OPHN1: variants seen among roughly 807,000 people sequenced by gnomAD.
The protein encoded by OPHN1 is oligophrenin-1.
Under a neutral mutation model 60.7 loss-of-function variants are expected in OPHN1, and 11 were observed. The observed-to-expected ratio is 0.18, with a 90% CI of 0.11 to 0.30. The LOEUF is 0.30. OPHN1 is among the 10% of genes least tolerant of loss of function. OPHN1 has a pLI of 1.00. For synonymous variants in OPHN1, 226 were observed against 222.6 expected, an observed-to-expected ratio of 1.02 and a Z score of -0.14; for missense variants, 449 against 611.0, an observed-to-expected ratio of 0.73 and a Z score of 2.80.
intron 2 of OPHN1, among the ~76,000 whole-genome samples, chrX:68,369,920 C>T (rs1356710211): frequency 4.8e-5 from 5 of 103,608 alleles, no homozygotes; most frequent in Non-Finnish European, 5.8e-5. Context: ...AAGCAACTTA[C>T]CATGTATAAG....
intron 2 of OPHN1, among the ~76,000 whole-genome samples, chrX:68,313,996 A>T (rs12689971): frequency 4.0e-4 from 45 of 111,238 alleles, no homozygotes; most frequent in East Asian, 1.7e-3. Context: ...CACAAAAATT[A>T]AAAAAATTAA....
intron 1 of OPHN1, 51 bp downstream of exon 1, chrX:68,433,117 G>C: frequency 4.4e-6 from 4 of 915,791 alleles, no homozygotes; most frequent in Non-Finnish European, 3.0e-6. Flanking sequence ...GACTGAGCGC[G>C]CGACCCGCTT....
chrX:68,329,262 A>G (rs2078283315), intron 2 of OPHN1, among the ~76,000 whole-genome samples: 1 of 112,212 alleles, frequency 8.9e-6, no homozygotes, highest in Admixed American at 9.5e-5. Flanking sequence ...GGATAGTCTT[A>G]TATTTGTTGG....
At chrX:68,393,613 T>C (rs1056233037) in intron 2 of OPHN1, among the ~76,000 whole-genome samples, 5 of 111,889 alleles carry the variant, frequency 4.5e-5, no homozygotes, top group African/African-American at 9.7e-5. Context: ...AAACATATCA[T>C]CCTTTCCTTT....
At chrX:68,188,767 T>A (rs1460064320) in intron 15 of OPHN1, among the ~76,000 whole-genome samples, 1 of 112,060 alleles carries the variant, frequency 8.9e-6, no homozygotes, top group Non-Finnish European at 1.9e-5. Context: ...CTGATTAATG[T>A]ATTTATTATC....
intron 15 of OPHN1, among the ~76,000 whole-genome samples, chrX:68,190,798 G>A (rs947517455): frequency 8.9e-6 from 1 of 112,276 alleles, no homozygotes; most frequent in Non-Finnish European, 1.9e-5. Context: ...TCAATATGCT[G>A]GACCACGATG....
intron 15 of OPHN1, among the ~76,000 whole-genome samples, chrX:68,161,413 G>A (rs1162594234): frequency 1.8e-5 from 2 of 109,940 alleles, no homozygotes; most frequent in Non-Finnish European, 3.8e-5. Context: ...TCAAAATGGA[G>A]GAAAAATGAA....
rs973658428 is a variant in OPHN1 at position 68,305,554 on chromosome X, C to G, written c.155-6458G>C. ...TCACCTCTTGCTTAGCCTTGAGGTT[C>G]TGCACAAGCAGGAAGAGAAACATAA... On this transcript the variant is annotated intron_variant, in intron 2 of 24. Transcript: ENST00000355520. Among the ~76,000 whole-genome samples the G allele has an allele frequency of 1.0e-3, 117 of 112,331 alleles. 1 individual carries two copies. Among genetic ancestry groups the G allele is most frequent in the African/African-American group, 3.6e-3 (113 of 30,989 alleles).
intron 16 of OPHN1, among the ~76,000 whole-genome samples, chrX:68,118,295 A>G (rs1285602626): frequency 2.7e-5 from 3 of 112,148 alleles, no homozygotes; most frequent in Non-Finnish European, 3.8e-5. Flanking sequence ...CAATGACACT[A>G]TCAGTGTAAA....
At chrX:68,229,252 A>G (rs12856121) in intron 6 of OPHN1, among the ~76,000 whole-genome samples, 7 of 111,541 alleles carry the variant, frequency 6.3e-5, no homozygotes, top group Non-Finnish European at 1.1e-4. Flanking sequence ...ACTGCTCAAC[A>G]AAATAAAAGA....
chrX:68,349,042 T>A (rs1204513794), intron 2 of OPHN1, among the ~76,000 whole-genome samples: 5 of 111,221 alleles, frequency 4.5e-5, no homozygotes, highest in East Asian at 2.8e-4. Flanking sequence ...TCCTAAGACC[T>A]GATGCTGGAT....
At chrX:68,289,948 C>T (rs2078062416) in intron 3 of OPHN1, among the ~76,000 whole-genome samples, 1 of 111,262 alleles carries the variant, frequency 9.0e-6, no homozygotes, top group Admixed American at 9.5e-5. Flanking sequence ...ATATAAAAAT[C>T]TGTATGCAAC....
chrX:68,106,871 C>A (rs1448632618), intron 18 of OPHN1, among the ~76,000 whole-genome samples: 1 of 111,690 alleles, frequency 9.0e-6, no homozygotes, highest in Non-Finnish European at 1.9e-5. Flanking sequence ...TGAAACTAAG[C>A]CTATTTTTTA....
intron 19 of OPHN1, among the ~76,000 whole-genome samples, chrX:68,093,619 T>C (rs1202248969): frequency 1.8e-5 from 2 of 111,510 alleles, no homozygotes; most frequent in Non-Finnish European, 3.8e-5. Flanking sequence ...ACGTTACCTA[T>C]TCTAATAGGT....
At chrX:68,347,800 C>T (rs760716576) in intron 2 of OPHN1, among the ~76,000 whole-genome samples, 151 of 111,938 alleles carry the variant, frequency 1.3e-3, no homozygotes, top group Admixed American at 2.9e-3. Flanking sequence ...AGCAAGGAAC[C>T]ATTCTATCCT....
chrX:68,079,472 C>T (rs62604536), intron 19 of OPHN1, among the ~76,000 whole-genome samples: 54,961 of 110,684 alleles, frequency 0.5, 11,771 homozygotes, highest in South Asian at 0.71. Context: ...ACATTTAACA[C>T]ATTTAACCAA....
intron 2 of OPHN1, among the ~76,000 whole-genome samples, chrX:68,410,191 T>C (rs1243711962): frequency 8.9e-6 from 1 of 112,098 alleles, no homozygotes; most frequent in Non-Finnish European, 1.9e-5. Flanking sequence ...TCTCAGTCCA[T>C]TTCTGATGCT....
chrX:68,397,184 T>C (rs949842419), intron 2 of OPHN1, among the ~76,000 whole-genome samples: 3 of 112,126 alleles, frequency 2.7e-5, no homozygotes, highest in Non-Finnish European at 5.6e-5. Flanking sequence ...TTAGATAAAA[T>C]CATAGCAGCT....
intron 5 of OPHN1, among the ~76,000 whole-genome samples, chrX:68,246,745 A>G (rs896499362): frequency 9.0e-6 from 1 of 111,623 alleles, no homozygotes; most frequent in African/African-American, 3.3e-5. Flanking sequence ...GAGTATAAAG[A>G]GAAGAGAATC....
Sources: gnomAD v4.1 joint callset for allele counts (sites outside exome capture counted in the v4.1 genomes callset) on GRCh38, gnomAD v4.1.1 for gene constraint, MANE v1.5 for transcripts, NCBI Gene and HGNC (gene_info 2026-07-23, HGNC 2026-07-21) for gene names.